Variants in RNF19B observed in about 807,000 individuals in gnomAD.
RNF19B encodes the protein E3 ubiquitin-protein ligase RNF19B.
A neutral mutation model predicts 65.5 loss-of-function variants in RNF19B; 23 were observed. That is an observed-to-expected ratio of 0.35 (90% CI 0.25 to 0.50). The LOEUF (loss-of-function observed/expected upper bound fraction) is 0.50. Ranked by LOEUF, RNF19B falls within the 20% of genes least tolerant of loss-of-function variation. The probability of loss-of-function intolerance (pLI) is 0.98; values close to 1 mark genes in which losing one functional copy is unlikely to be tolerated. For missense variants in RNF19B, 794 were observed against 980.0 expected (o/e 0.81, Z 2.53); for synonymous variants, 372 against 379.6 (o/e 0.98, Z 0.23).
chr1:32,944,439 A>G (rs75520235), intron 5 of RNF19B, among the ~76,000 whole-genome samples: 2,921 of 152,356 alleles, frequency 0.019, 45 homozygotes, highest in Non-Finnish European at 0.029. Context: ...TGTTTTGCAC[A>G]GTAAATATAT....
intron 7 of RNF19B, among the ~76,000 whole-genome samples, chr1:32,939,827 T>G (rs1401860710): frequency 6.6e-6 from 1 of 152,252 alleles, no homozygotes; most frequent in East Asian, 1.9e-4. Flanking sequence ...CTAGAACAGC[T>G]GGACTGGCTA....
chr1:32,938,155 A>AAG (rs912989582), intron 8 of RNF19B, among the ~76,000 whole-genome samples: 7 of 151,150 alleles, frequency 4.6e-5, no homozygotes, highest in Non-Finnish European at 1.0e-4. Flanking sequence ...AAAAAAAAAA[A>AAG]AAAAAGAAAA....
In RNF19B at chr1:32,936,953, C is replaced by T. The variant is rs1296024947; in HGVS notation, c.2049G>A (p.Glu683=). 3 of 1,613,854 alleles carry T rather than the reference C, an allele frequency of 1.9e-6. No individual in the cohort carries two copies. Among genetic ancestry groups the T allele is most frequent in the Admixed American group, 1.7e-5 (1 of 59,976 alleles). ...CAGTATGGGAGCGGGGGGAGCCACACTCATCTGAGGTGATGTCTGGCACAT... is the reference window on the plus strand; with the variant it reads ...CAGTATGGGAGCGGGGGGAGCCACATTCATCTGAGGTGATGTCTGGCACAT... The part of the protein sequence containing the change: ...SDDVPDITSD[E]CGSPRSHTAA... Residue 683 remains glutamate, a synonymous_variant, in exon 9 of 9, where the codon GAG becomes GAA. Coordinates refer to ENST00000235150, the MANE Select transcript of RNF19B (RefSeq NM_001300826.2).
intron 7 of RNF19B, among the ~76,000 whole-genome samples, chr1:32,941,534 C>T (rs182691600): frequency 4.7e-5 from 7 of 149,574 alleles, no homozygotes; most frequent in East Asian, 2.0e-4. Flanking sequence ...AGCAAGACTC[C>T]GTCTCAAAAA....
downstream of RNF19B, among the ~76,000 whole-genome samples, chr1:32,931,689 C>G (rs562773454): frequency 6.6e-6 from 1 of 152,318 alleles, no homozygotes; most frequent in African/African-American, 2.4e-5. Flanking sequence ...AGATAAAATT[C>G]TTTTGGGTCT....
intron 5 of RNF19B, among the ~76,000 whole-genome samples, chr1:32,944,784 G>A (rs563108510): frequency 1.3e-5 from 2 of 152,006 alleles, no homozygotes; most frequent in Non-Finnish European, 2.9e-5. Context: ...CGCCTCCCAG[G>A]TTCACGCCAT....
At chr1:32,952,480 C>T (rs2124162350) in intron 1 of RNF19B, among the ~76,000 whole-genome samples, 1 of 143,360 alleles carries the variant, frequency 7.0e-6, no homozygotes, top group East Asian at 2.0e-4. Flanking sequence ...TGGTGGCTCA[C>T]ACCTGTAATC....
chr1:32,963,016 T>C (rs1642808185), intron 1 of RNF19B, among the ~76,000 whole-genome samples: 1 of 152,208 alleles, frequency 6.6e-6, no homozygotes, highest in South Asian at 2.1e-4. Flanking sequence ...GCCTACATGG[T>C]GCATTAAAAA....
At chr1:32,931,878 C>G (rs1642033044), downstream of RNF19B, among the ~76,000 whole-genome samples, 1 of 152,206 alleles carries the variant, frequency 6.6e-6, no homozygotes, top group African/African-American at 2.4e-5. Context: ...CAGGTGACCA[C>G]AGGTGTAAGC....
intron 3 of RNF19B, among the ~76,000 whole-genome samples, chr1:32,947,859 C>T (rs1177282869): frequency 6.6e-6 from 1 of 151,852 alleles, no homozygotes; most frequent in Non-Finnish European, 1.5e-5. Flanking sequence ...AAAGGAGAGG[C>T]AACATGGATG....
At chr1:32,963,972 C>G (rs1642835495) in intron 1 of RNF19B, 79 bp downstream of exon 1, 1 of 1,364,248 alleles carries the variant, frequency 7.3e-7, no homozygotes, top group East Asian at 3.1e-5. Flanking sequence ...CTTGGGACAC[C>G]CACGCGGGGT....
chr1:32,938,719 CCTTT>C (rs1642166143), intron 7 of RNF19B, among the ~76,000 whole-genome samples, 191 bp from the exon 8 acceptor site: 1 of 152,190 alleles, frequency 6.6e-6, no homozygotes, highest in African/African-American at 2.4e-5. Context: ...ATCGTCCCCT[CCTTT>C]CTATCCCCAC....
Position 32,964,607 on chromosome 1 carries a change from C to A in RNF19B, c.79G>T (p.Gly27Cys). 1 of 1,460,470 alleles carries A rather than the reference C, an allele frequency of 6.8e-7. No individual in the cohort carries two copies. Among genetic ancestry groups the A allele is most frequent in the South Asian group, 1.3e-5 (1 of 77,692 alleles). 90.5% of individuals were successfully genotyped at this position (1,460,470 alleles called of 1,614,324 possible). A position where few individuals can be genotyped will look rare whatever the true frequency, so the allele number is the denominator to read the frequency against. The change falls in exon 1 of 9, where the codon GGC (glycine) becomes TGC (cysteine). Residue 27 changes from glycine to cysteine, a missense_variant. Physicochemically the swap from Gly to Cys is radical, Grantham distance 159. This residue lies in a region of RNF19B where 374 missense variants were observed against 423.8 expected (regional missense o/e 0.88). Coordinates refer to ENST00000235150, the MANE Select transcript of RNF19B (RefSeq NM_001300826.2). This position sits in a 1 kb window ranked among gnomAD's most constrained non-coding sequence, Gnocchi z 6.5. ...AAAPDPKCRS[G>C]GRRRRLTLHS... is the part of the protein sequence containing the mutation. The stretch of plus-strand genomic sequence containing the variant: ...AAGGTGAGGCGCCGGCGCCGGCCGC[C>A]GCTGCGGCACTTAGGGTCGGGTGCG...
At position 32,964,402 on chromosome 1, in the gene RNF19B, GCCGCCGCGGCCT is replaced by G; in HGVS notation, c.272_283del (p.Glu91_Ala94del). 7.8e-7 allele frequency: 1 copy of G among 1,283,334 alleles called. No individual in the cohort carries two copies. The highest frequency in any genetic ancestry group is 9.8e-7 in the Non-Finnish European group (1 of 1,017,026). 79.5% of individuals were successfully genotyped at this position (1,283,334 alleles called of 1,614,324 possible). A position where few individuals can be genotyped will look rare whatever the true frequency, so the allele number is the denominator to read the frequency against. ...ATCGTCGAACCCAGGCTCCGCCGCC[GCCGCCGCGGCCT>G]CCGCCTCGGCCTCGGCGGCCGGCTC... is the stretch of plus-strand genomic sequence containing the variant. On this transcript the variant is annotated inframe_deletion, in exon 1 of 9. Coordinates refer to ENST00000235150, the MANE Select transcript of RNF19B (RefSeq NM_001300826.2). This position sits in a 1 kb window ranked among gnomAD's most constrained non-coding sequence, Gnocchi z 6.5.
rs371969355 is a variant in RNF19B at position 32,942,449 on chromosome 1, G to A, written c.1413C>T (p.Ala471=). 2 of 1,613,738 alleles carry A rather than the reference G, an allele frequency of 1.2e-6. No homozygotes were observed. The highest frequency in any genetic ancestry group is 1.3e-5 in the African/African-American group (1 of 74,922). ...EDDGPITVAD[A]WRALKNPSIG... ...TGCTGGGATTCTTGAGGGCTCTCCAGGCATCTGCCACTGGGGATAGAACCA... is the reference window on the plus strand; with the variant it reads ...TGCTGGGATTCTTGAGGGCTCTCCAAGCATCTGCCACTGGGGATAGAACCA... Residue 471 remains alanine, a synonymous_variant, in exon 7 of 9, where the codon GCC becomes GCT. Coordinates refer to ENST00000235150, the MANE Select transcript of RNF19B (RefSeq NM_001300826.2).
intron 1 of RNF19B, 118 bp from the exon 2 acceptor site, chr1:32,949,892 A>T: frequency 1.4e-6 from 1 of 715,882 alleles, no homozygotes; most frequent in South Asian, 1.7e-5. Flanking sequence ...TGATACAGAG[A>T]AAAGAATACA....
intron 5 of RNF19B, among the ~76,000 whole-genome samples, chr1:32,944,625 A>T (rs1642320926): frequency 6.6e-6 from 1 of 152,152 alleles, no homozygotes; most frequent in East Asian, 1.9e-4. Context: ...TTAAGAGAAC[A>T]GGATCTGAAG....
At chr1:32,963,079 A>G (rs1004116327) in intron 1 of RNF19B, among the ~76,000 whole-genome samples, 7 of 152,164 alleles carry the variant, frequency 4.6e-5, no homozygotes, top group African/African-American at 1.4e-4. Context: ...AATTTCTCCT[A>G]TCACACCAAC....
chr1:32,944,272 G>C, intron 5 of RNF19B, 113 bp from the exon 6 acceptor site: 3 of 1,221,738 alleles, frequency 2.5e-6, no homozygotes, highest in Admixed American at 2.9e-5. Flanking sequence ...AAGACAGAAA[G>C]TGGCTATCCC....
Sources: allele counts gnomAD v4.1 joint callset (sites outside exome capture counted in the v4.1 genomes callset), GRCh38; gene constraint gnomAD v4.1.1; regional missense constraint gnomAD v4.1.1; non-coding constraint Gnocchi (gnomAD v3.1); transcripts MANE v1.5; gene names NCBI Gene and HGNC (gene_info 2026-07-23, HGNC 2026-07-21).